The following SAMD12 variants were observed in gnomAD, a reference collection of about 807,000 sequenced individuals.
The protein encoded by SAMD12 is sterile alpha motif domain containing 12, also known as sterile alpha motif domain-containing protein 12.
A neutral mutation model predicts 15.0 loss-of-function variants in SAMD12; 9 were observed. The ratio of observed to expected loss-of-function variants is 0.60; its 90% CI spans 0.36 to 1.05. The LOEUF is 1.05. Ranked by LOEUF, SAMD12 falls within the 50% of genes least tolerant of loss-of-function variation. SAMD12 has a pLI of 0.01. For synonymous variants in SAMD12, 86 were observed against 90.1 expected (o/e 0.96, Z 0.25); for missense variants, 230 against 234.2 (o/e 0.98, Z 0.12).
chr8:118,397,819 G>C (rs1820660053), intron 3 of SAMD12, among the ~76,000 whole-genome samples: 1 of 151,776 alleles, frequency 6.6e-6, no homozygotes, highest in Admixed American at 6.6e-5. Flanking sequence ...ATGAGACTGG[G>C]TCTCGCTCTG....
At chr8:118,398,184 G>A (rs537292517) in intron 3 of SAMD12, among the ~76,000 whole-genome samples, 10 of 152,280 alleles carry the variant, frequency 6.6e-5, no homozygotes, top group Admixed American at 3.9e-4. Context: ...ATCATTTGAG[G>A]TCAGCACTTC....
At chr8:118,132,972 GTATA>G in the SAMD12 span, among the ~76,000 whole-genome samples, 1,106 of 47,542 alleles carry the variant, frequency 0.023, 26 homozygotes, top group Middle Eastern at 0.068. Context: ...GTGTGTGTGT[GTATA>G]TATATATATA....
intron 4 of SAMD12, among the ~76,000 whole-genome samples, chr8:118,298,579 G>C (rs28398470): frequency 1.3e-5 from 2 of 152,118 alleles, no homozygotes; most frequent in Non-Finnish European, 2.9e-5. Context: ...AATACAGTTT[G>C]TTGTTTATAC....
chr8:118,478,722 C>T (rs987879743), intron 2 of SAMD12, among the ~76,000 whole-genome samples: 2 of 152,216 alleles, frequency 1.3e-5, no homozygotes, highest in Non-Finnish European at 2.9e-5. Context: ...ATGGTTGAGT[C>T]TCTTCCTAAT....
intron 2 of SAMD12, among the ~76,000 whole-genome samples, chr8:118,577,897 G>A (rs773873824): frequency 1.1e-4 from 16 of 152,090 alleles, no homozygotes; most frequent in Non-Finnish European, 1.9e-4. Context: ...TCATGGTTGA[G>A]CTACTAAAGT....
chr8:118,311,268 G>T (rs1251555917), intron 4 of SAMD12, among the ~76,000 whole-genome samples: 1 of 152,234 alleles, frequency 6.6e-6, no homozygotes, highest in East Asian at 1.9e-4. Context: ...ACTTGGGTTA[G>T]GGTCATATAC....
intron 4 of SAMD12, among the ~76,000 whole-genome samples, chr8:118,243,999 C>T (rs1439292440): frequency 3.9e-5 from 6 of 152,058 alleles, no homozygotes; most frequent in Admixed American, 1.3e-4. Context: ...GAGATGAAGC[C>T]GAGTTTTATA....
chr8:118,201,689 C>T (rs1217500621), intron 4 of SAMD12, among the ~76,000 whole-genome samples: 1 of 152,154 alleles, frequency 6.6e-6, no homozygotes, highest in Non-Finnish European at 1.5e-5. Flanking sequence ...GAGATTCAAT[C>T]CTGGTCTGCA....
intron 4 of SAMD12, among the ~76,000 whole-genome samples, chr8:118,325,454 G>A (rs1374911952): frequency 6.6e-6 from 1 of 152,120 alleles, no homozygotes; most frequent in Non-Finnish European, 1.5e-5. Flanking sequence ...TAATTGACAA[G>A]TAAAAATGAA....
intron 3 of SAMD12, among the ~76,000 whole-genome samples, chr8:118,435,851 A>G (rs1274380937): frequency 6.6e-6 from 1 of 152,230 alleles, no homozygotes; most frequent in Non-Finnish European, 1.5e-5. Context: ...AACTGGCAAG[A>G]TGTTACAACC....
chr8:118,438,742 C>T (rs1216318462), intron 3 of SAMD12, among the ~76,000 whole-genome samples: 2 of 152,118 alleles, frequency 1.3e-5, no homozygotes, highest in Admixed American at 6.6e-5. Context: ...TAGGATTTGT[C>T]ATGACAGAAA....
intron 4 of SAMD12, among the ~76,000 whole-genome samples, chr8:118,369,783 A>AAC (rs1563802504): frequency 1.3e-5 from 2 of 152,050 alleles, no homozygotes; most frequent in African/African-American, 4.8e-5. Flanking sequence ...ACAACAACAA[A>AAC]AAACTTAAAT....
chr8:118,458,949 TA>T, intron 2 of SAMD12, among the ~76,000 whole-genome samples: 2 of 62,438 alleles, frequency 3.2e-5, no homozygotes, highest in East Asian at 1.1e-3. Context: ...TTCAGCTATA[TA>T]TGTGTGTGTG....
At chr8:118,263,155 C>T (rs1353057606) in intron 4 of SAMD12, among the ~76,000 whole-genome samples, 1 of 152,036 alleles carries the variant, frequency 6.6e-6, no homozygotes. Context: ...GTGAAATGCC[C>T]TTTCTTAGTT....
chr8:118,481,442 T>C (rs561390818), intron 2 of SAMD12, among the ~76,000 whole-genome samples: 6 of 151,848 alleles, frequency 4.0e-5, no homozygotes, highest in South Asian at 2.1e-4. Flanking sequence ...GCTAAACTGG[T>C]AGGAAGAAGG....
chr8:118,548,709 C>T (rs757725386), intron 2 of SAMD12, among the ~76,000 whole-genome samples: 2 of 152,184 alleles, frequency 1.3e-5, no homozygotes, highest in Non-Finnish European at 2.9e-5. Context: ...GTGCGCGAGC[C>T]GAAGCAGGGC....
intron 4 of SAMD12, among the ~76,000 whole-genome samples, chr8:118,276,029 G>A (rs1236935498): frequency 6.6e-6 from 1 of 152,184 alleles, no homozygotes; most frequent in Non-Finnish European, 1.5e-5. Context: ...GTGAGTGCAT[G>A]TGTATACAAA....
chr8:118,162,116 C>T, the SAMD12 span, among the ~76,000 whole-genome samples: 2 of 149,794 alleles, frequency 1.3e-5, no homozygotes, highest in Non-Finnish European at 3.0e-5. Context: ...GCCGAGATCA[C>T]GCCACTGCAC....
intron 4 of SAMD12, among the ~76,000 whole-genome samples, chr8:118,296,623 A>C (rs988156116): frequency 6.6e-6 from 1 of 152,392 alleles, no homozygotes; most frequent in Non-Finnish European, 1.5e-5. Flanking sequence ...ACATTGGTGG[A>C]AAGAATGACA....
Sources: gnomAD v4.1 joint callset for allele counts (sites outside exome capture counted in the v4.1 genomes callset) on GRCh38, gnomAD v4.1.1 for gene constraint, MANE v1.5 for transcripts, NCBI Gene and HGNC (gene_info 2026-07-23, HGNC 2026-07-21) for gene names.